The following NR4A3 variants were observed in gnomAD, a reference collection of about 807,000 sequenced individuals.
The protein encoded by NR4A3 is nuclear receptor subfamily 4 group A member 3.
Under a neutral mutation model 55.6 loss-of-function variants are expected in NR4A3, and 13 were observed. The ratio of observed to expected loss-of-function variants is 0.23; its 90% CI spans 0.15 to 0.37. The LOEUF (loss-of-function observed/expected upper bound fraction) is 0.37. Among genes scored for constraint, NR4A3 ranks in the 10% least tolerant of loss-of-function variants. The pLI is 1.00. For missense variants in NR4A3, 646 were observed against 822.8 expected, an observed-to-expected ratio of 0.79 and a Z score of 2.63; for synonymous variants, 342 against 357.9, an observed-to-expected ratio of 0.96 and a Z score of 0.50.
intron 5 of NR4A3, among the ~76,000 whole-genome samples, chr9:99,842,431 C>T (rs1827669265): frequency 6.6e-6 from 1 of 152,062 alleles, no homozygotes; most frequent in South Asian, 2.1e-4. Context: ...AAGCAAAATG[C>T]TTTTTAAAGA....
chr9:99,838,396 G>C (rs1027044045), intron 5 of NR4A3, among the ~76,000 whole-genome samples: 9 of 152,156 alleles, frequency 5.9e-5, no homozygotes, highest in African/African-American at 2.2e-4. Flanking sequence ...AAACAATGTG[G>C]CTTAAGACAC....
chr9:99,823,965 C>T (rs1827237148), intron 1 of NR4A3, among the ~76,000 whole-genome samples: 1 of 152,140 alleles, frequency 6.6e-6, no homozygotes, highest in African/African-American at 2.4e-5. Flanking sequence ...ACGGTTTCCT[C>T]CACACACTTC....
At chr9:99,843,352 G>A (rs1827686589) in intron 5 of NR4A3, among the ~76,000 whole-genome samples, 1 of 152,164 alleles carries the variant, frequency 6.6e-6, no homozygotes, top group Non-Finnish European at 1.5e-5. Context: ...TGAGTCTGAT[G>A]GCACACAGCT....
intron 7 of NR4A3, among the ~76,000 whole-genome samples, chr9:99,857,703 C>T (rs372874284): frequency 6.6e-6 from 1 of 151,632 alleles, no homozygotes; most frequent in Non-Finnish European, 1.5e-5. Flanking sequence ...TGCAGTGAGC[C>T]GAGATTGCAT....
In NR4A3 at chr9:99,825,760, G is replaced by C. The variant is rs1164919603; in HGVS notation, c.-75G>C. ...CGGCGCTTCGCCTCGCCGGACGTCC[G>C]CTCCTCCTACACTCTCAGCCTCCGC... On this transcript the variant is annotated 5_prime_UTR_variant, in exon 2 of 8. Coordinates refer to ENST00000395097, the MANE Select transcript of NR4A3 (RefSeq NM_006981.4). This position sits in a 1 kb window ranked among gnomAD's most constrained non-coding sequence, Gnocchi z 5.0. The C allele has an allele frequency of 2.4e-5, 4 of 166,444 alleles. No homozygotes were observed. Among genetic ancestry groups the C allele is most frequent in the African/African-American group, 9.6e-5 (4 of 41,846 alleles). The allele number at this position is 166,444 out of a possible 1,614,324, so 10.3% of individuals were successfully genotyped here.
intron 7 of NR4A3, among the ~76,000 whole-genome samples, chr9:99,862,963 C>A (rs1365940884): frequency 2.0e-5 from 3 of 151,892 alleles, no homozygotes; most frequent in African/African-American, 7.3e-5. Context: ...TGTAGGTCAA[C>A]AGGGGTTTCA....
At chr9:99,826,790 T>C in intron 2 of NR4A3, 10 of 1,613,964 alleles carry the variant, frequency 6.2e-6, no homozygotes, top group Non-Finnish European at 7.6e-6. Flanking sequence ...TCAATCAGAT[T>C]TGGAAATGTG....
At chr9:99,863,333 A>C (rs972593348) in intron 7 of NR4A3, among the ~76,000 whole-genome samples, 11 of 152,300 alleles carry the variant, frequency 7.2e-5, no homozygotes, top group East Asian at 1.9e-4. Context: ...CCATCCCAGA[A>C]ACCCTGAATT....
At chr9:99,833,249 G>A (rs756662635) in intron 4 of NR4A3, 33 bp from the exon 5 acceptor site, 1 of 1,552,870 alleles carries the variant, frequency 6.4e-7, no homozygotes, top group East Asian at 2.3e-5. Context: ...CATAATCTTT[G>A]AAGATTGTTT....
At chr9:99,830,702 C>A (rs781496156) in intron 3 of NR4A3, among the ~76,000 whole-genome samples, 1 of 152,184 alleles carries the variant, frequency 6.6e-6, no homozygotes, top group Non-Finnish European at 1.5e-5. Context: ...GAGCTACTTT[C>A]AAGTAACTGC....
chr9:99,828,468 C>G lies in NR4A3; in HGVS notation c.426C>G (p.Thr142=). The change falls in exon 3 of 8, where the codon ACC becomes ACG. Residue 142 remains threonine (T), a synonymous_variant. Coordinates refer to ENST00000395097, the MANE Select transcript of NR4A3 (RefSeq NM_006981.4). The surrounding 1 kb of genome is among the most constrained non-coding windows in gnomAD (Gnocchi z 7.7). ...ACTTCAAGCAGTCCCCACCGTCCAC[C>G]CCCACCACGCCGGCCTTCCCCCCGC... is the stretch of plus-strand genomic sequence containing the variant. ...SMYFKQSPPS[T]PTTPAFPPQA... is the part of the protein sequence containing the mutation. 6.3e-7 allele frequency: 1 copy of G among 1,575,966 alleles called. No individual in the cohort carries two copies. Among genetic ancestry groups the G allele is most frequent in the Non-Finnish European group, 8.6e-7 (1 of 1,162,572 alleles).
chr9:99,842,729 C>CA (rs558687882), intron 5 of NR4A3, among the ~76,000 whole-genome samples: 274 of 141,636 alleles, frequency 1.9e-3, no homozygotes, highest in South Asian at 0.01. Context: ...GACACCATCT[C>CA]AAAAAAAAAA....
intron 5 of NR4A3, among the ~76,000 whole-genome samples, chr9:99,842,802 C>T (rs1587880754): frequency 6.6e-6 from 1 of 152,086 alleles, no homozygotes; most frequent in East Asian, 1.9e-4. Flanking sequence ...AACTTGAAAT[C>T]ACAGGGTCAG....
chr9:99,856,417 A>G (rs986074575), intron 7 of NR4A3, among the ~76,000 whole-genome samples: 1 of 152,128 alleles, frequency 6.6e-6, no homozygotes, highest in Non-Finnish European at 1.5e-5. Context: ...TGGTAATGCA[A>G]ATAACGGGGA....
Position 99,865,846 on chromosome 9 carries a change from GAACCTGGAAT to G in NR4A3, c.*1980_*1989del. 4.7e-6 allele frequency: 1 copy of G among 212,708 alleles called. No individual in the cohort carries two copies. Among genetic ancestry groups the G allele is most frequent in the Middle Eastern group, 1.6e-3 (1 of 644 alleles). The allele number at this position is 212,708 out of a possible 1,614,324, so 13.2% of individuals were successfully genotyped here. ...GTTATTTTTATATATCAAGATGATA[GAACCTGGAAT>G]GTTAGGATTTTGAAATGTTAGACTT... On this transcript the variant is annotated 3_prime_UTR_variant, in exon 8 of 8. Coordinates refer to ENST00000395097, the MANE Select transcript of NR4A3 (RefSeq NM_006981.4). This position sits in a 1 kb window ranked among gnomAD's most constrained non-coding sequence, Gnocchi z 4.3.
chr9:99,848,422 G>T (rs956653565), intron 7 of NR4A3, among the ~76,000 whole-genome samples: 121 of 152,202 alleles, frequency 7.9e-4, no homozygotes, highest in African/African-American at 2.8e-3. Context: ...TTGGTTTACT[G>T]CAACCTCTGC....
Position 99,828,794 on chromosome 9 carries a change from C to A in NR4A3, c.752C>A (p.Ala251Glu). 6.8e-7 allele frequency: 1 copy of A among 1,465,482 alleles called. No homozygotes were observed. Among genetic ancestry groups the A allele is most frequent in the Non-Finnish European group, 9.0e-7 (1 of 1,112,506 alleles). 90.8% of individuals were successfully genotyped at this position (1,465,482 alleles called of 1,614,324 possible). A position where few individuals can be genotyped will look rare whatever the true frequency, so the allele number is the denominator to read the frequency against. The change falls in exon 3 of 8, where the codon GCG becomes GAG. Residue 251 changes from alanine to glutamate, a missense_variant. By Grantham distance (107) the Ala-to-Glu change is moderately radical. Transcript: ENST00000395097. The surrounding 1 kb of genome is among the most constrained non-coding windows in gnomAD (Gnocchi z 7.7). ...HPYGLPLAKRAAPLAFPPLGL... is the reference protein window; with the variant it reads ...HPYGLPLAKREAPLAFPPLGL... ...TACGGGCTGCCGCTGGCCAAGAGGG[C>A]GGCCCCGCTGGCCTTCCCGCCTCTC...
chr9:99,852,403 G>T (rs926779916), intron 7 of NR4A3, among the ~76,000 whole-genome samples: 1 of 152,170 alleles, frequency 6.6e-6, no homozygotes, highest in Non-Finnish European at 1.5e-5. Flanking sequence ...GTAGGTCATG[G>T]TTTCTCTGCC....
intron 4 of NR4A3, among the ~76,000 whole-genome samples, 191 bp downstream of exon 4, chr9:99,833,009 G>A (rs1827476633): frequency 6.6e-6 from 1 of 152,060 alleles, no homozygotes; most frequent in South Asian, 2.1e-4. Context: ...AAAATTAACA[G>A]AGGACTTGTA....
Sources: allele counts gnomAD v4.1 joint callset (sites outside exome capture counted in the v4.1 genomes callset), GRCh38; gene constraint gnomAD v4.1.1; non-coding constraint Gnocchi (gnomAD v3.1); transcripts MANE v1.5; gene names NCBI Gene and HGNC (gene_info 2026-07-23, HGNC 2026-07-21).